The following CPA6 variants were observed in gnomAD, a reference collection of about 807,000 sequenced individuals.
The protein encoded by CPA6 is carboxypeptidase B.
CPA6 carries 58 observed loss-of-function variants against 63.3 expected under a neutral mutation model. That is an observed-to-expected ratio of 0.92 (90% CI 0.74 to 1.14). The LOEUF is 1.14. Among genes scored for constraint, CPA6 ranks in the 50% most tolerant of loss-of-function variants. The pLI, the probability that CPA6 is intolerant of heterozygous loss-of-function variation, is 0.00. For missense variants in CPA6, 565 were observed against 526.6 expected (o/e 1.07, Z -0.71); for synonymous variants, 185 against 179.0 (o/e 1.03, Z -0.27).
intron 8 of CPA6, among the ~76,000 whole-genome samples, chr8:67,459,585 G>T (rs946506643): frequency 6.6e-5 from 10 of 152,174 alleles, no homozygotes; most frequent in African/African-American, 2.4e-4. Context: ...GAAGTAAAAG[G>T]ATTCATGGTT....
intron 6 of CPA6, among the ~76,000 whole-genome samples, chr8:67,502,577 G>T (rs562184553): frequency 6.6e-6 from 1 of 152,182 alleles, no homozygotes; most frequent in South Asian, 2.1e-4. Flanking sequence ...AGAGCTTATT[G>T]TTTTGAGACT....
intron 2 of CPA6, among the ~76,000 whole-genome samples, chr8:67,550,923 C>T (rs536233023): frequency 6.6e-6 from 1 of 151,934 alleles, no homozygotes; most frequent in African/African-American, 2.4e-5. Flanking sequence ...TCTTATAGAG[C>T]CTGGATATTT....
intron 2 of CPA6, among the ~76,000 whole-genome samples, chr8:67,570,982 T>C (rs1347044178): frequency 2.0e-5 from 3 of 151,840 alleles, no homozygotes; most frequent in Non-Finnish European, 4.4e-5. Context: ...ACACATAGAC[T>C]GAAAGAGAAG....
chr8:67,513,589 T>C (rs1812084955), intron 3 of CPA6, among the ~76,000 whole-genome samples: 1 of 152,182 alleles, frequency 6.6e-6, no homozygotes. Context: ...TGGTACTTTG[T>C]TATGGCGGCC....
intron 2 of CPA6, among the ~76,000 whole-genome samples, chr8:67,611,770 C>T (rs937233986): frequency 2.6e-5 from 4 of 152,176 alleles, no homozygotes; most frequent in Non-Finnish European, 2.9e-5. Context: ...CACTTACTCT[C>T]TGGCAAGTTT....
At chr8:67,675,184 T>A (rs1816442162) in intron 1 of CPA6, among the ~76,000 whole-genome samples, 1 of 152,146 alleles carries the variant, frequency 6.6e-6, no homozygotes, top group South Asian at 2.1e-4. Flanking sequence ...GTATCTTAAA[T>A]AAAGAGTTGA....
chr8:67,659,307 A>G (rs958636978), intron 1 of CPA6, among the ~76,000 whole-genome samples: 9 of 152,222 alleles, frequency 5.9e-5, no homozygotes, highest in Non-Finnish European at 1.3e-4. Flanking sequence ...TGATTAAACC[A>G]TGGCTTCCAG....
At chr8:67,451,066 A>G (rs1810546893) in intron 8 of CPA6, among the ~76,000 whole-genome samples, 1 of 152,152 alleles carries the variant, frequency 6.6e-6, no homozygotes, top group South Asian at 2.1e-4. Flanking sequence ...AGACACCCTC[A>G]CTACCCTTTA....
At chr8:67,733,211 AAAAAAAAAAAAAAT>A (rs1563412965) in intron 1 of CPA6, among the ~76,000 whole-genome samples, 8 of 130,028 alleles carry the variant, frequency 6.2e-5, no homozygotes, top group South Asian at 2.3e-4. Context: ...AAAAAAAAAA[AAAAAAAAAAAAAAT>A]AAAAAAATTT....
chr8:67,607,213 CT>C lies in CPA6; in HGVS notation c.192+16962del, dbSNP rs1564021332. Among the ~76,000 whole-genome samples, 205 of 101,918 alleles carry C rather than the reference CT, an allele frequency of 2.0e-3. 38 individuals carry two copies. Among genetic ancestry groups the C allele is most frequent in the African/African-American group, 7.1e-3 (180 of 25,364 alleles). 66.9% of individuals were successfully genotyped at this position (101,918 alleles called of 152,430 possible). A position where few individuals can be genotyped will look rare whatever the true frequency, so the allele number is the denominator to read the frequency against. On this transcript the variant is annotated intron_variant, in intron 2 of 10. Transcript: ENST00000297770. Reference sequence around the variant, plus strand: ...TCTTCTTCTTCTTCTTCTTCTTCTTCTTCTTCTTCTTCTTCTTCTTCTTCTT... The same window carrying C: ...TCTTCTTCTTCTTCTTCTTCTTCTTCTCTTCTTCTTCTTCTTCTTCTTCTT...
intron 2 of CPA6, among the ~76,000 whole-genome samples, chr8:67,558,521 T>C (rs1204207164): frequency 6.6e-6 from 1 of 152,234 alleles, no homozygotes; most frequent in African/African-American, 2.4e-5. Context: ...ACTTTTATCC[T>C]ACAAATGAAC....
At chr8:67,437,208 A>T (rs1034158608) in intron 8 of CPA6, among the ~76,000 whole-genome samples, 3 of 152,192 alleles carry the variant, frequency 2.0e-5, no homozygotes, top group Non-Finnish European at 4.4e-5. Context: ...ATCCTGGCTA[A>T]CACAGTGAAA....
At chr8:67,487,689 T>A (rs1440967065) in intron 6 of CPA6, among the ~76,000 whole-genome samples, 2 of 152,216 alleles carry the variant, frequency 1.3e-5, no homozygotes, top group East Asian at 3.8e-4. Flanking sequence ...ATAAAAGTGT[T>A]CCTATTTCTC....
chr8:67,629,134 C>A (rs368460364), intron 1 of CPA6, among the ~76,000 whole-genome samples: 97 of 150,296 alleles, frequency 6.5e-4, no homozygotes, highest in African/African-American at 2.0e-3. Context: ...AACAAAAAAA[C>A]CCCCAAAAAA....
At chr8:67,712,454 G>A (rs1817283512) in intron 1 of CPA6, among the ~76,000 whole-genome samples, 1 of 152,138 alleles carries the variant, frequency 6.6e-6, no homozygotes, top group Non-Finnish European at 1.5e-5. Flanking sequence ...TCAAGTGCCT[G>A]TGGATCTGCC....
chr8:67,449,813 T>TTTG (rs1810514709), intron 8 of CPA6, among the ~76,000 whole-genome samples: 2 of 148,532 alleles, frequency 1.3e-5, no homozygotes, highest in Non-Finnish European at 3.0e-5. Flanking sequence ...GCCATCTCTT[T>TTTG]TTTTTTTTTT....
At chr8:67,620,926 C>G (rs987165049) in intron 2 of CPA6, among the ~76,000 whole-genome samples, 1 of 152,192 alleles carries the variant, frequency 6.6e-6, no homozygotes, top group African/African-American at 2.4e-5. Flanking sequence ...GCTACCACCA[C>G]TCTAACTAAT....
intron 2 of CPA6, among the ~76,000 whole-genome samples, chr8:67,542,369 C>G (rs1812725132): frequency 6.6e-6 from 1 of 152,200 alleles, no homozygotes; most frequent in Admixed American, 6.5e-5. Flanking sequence ...GCTAAACCAG[C>G]TACTCAGTTT....
intron 2 of CPA6, among the ~76,000 whole-genome samples, chr8:67,531,859 ATC>A (rs1174429909): frequency 6.6e-6 from 1 of 152,220 alleles, no homozygotes; most frequent in Non-Finnish European, 1.5e-5. Flanking sequence ...ATGTCAAATG[ATC>A]TCTGATTACA....
Sources: gnomAD v4.1 joint callset for allele counts (sites outside exome capture counted in the v4.1 genomes callset) on GRCh38, gnomAD v4.1.1 for gene constraint, MANE v1.5 for transcripts, NCBI Gene and HGNC (gene_info 2026-07-23, HGNC 2026-07-21) for gene names.